The following GRID2 variants were observed in gnomAD, a reference collection of about 807,000 sequenced individuals.
GRID2 encodes glutamate receptor ionotropic, delta-2.
In GRID2, 33 loss-of-function variants were observed where a neutral mutation model predicts 114.8. The observed-to-expected ratio is 0.29, with a 90% CI of 0.22 to 0.38. The LOEUF is 0.38. GRID2 is among the 10% of genes least tolerant of loss of function. The pLI is 1.00. For synonymous variants in GRID2, 505 were observed against 449.9 expected (o/e 1.12, Z -1.55); for missense variants, 1,184 against 1,257.7 (o/e 0.94, Z 0.89).
chr4:92,864,014 T>C (rs1368019630), intron 2 of GRID2, among the ~76,000 whole-genome samples: 2 of 152,168 alleles, frequency 1.3e-5, no homozygotes. Context: ...AGTAACAGAA[T>C]AGACACGCCT....
At chr4:92,465,236 A>G (rs1234369276) in intron 1 of GRID2, among the ~76,000 whole-genome samples, 2 of 151,896 alleles carry the variant, frequency 1.3e-5, no homozygotes, top group African/African-American at 2.4e-5. Context: ...GTTTTAAAAG[A>G]TAACTAGGAA....
chr4:93,105,249 T>C (rs1225856099), intron 3 of GRID2, among the ~76,000 whole-genome samples: 4 of 152,034 alleles, frequency 2.6e-5, no homozygotes, highest in African/African-American at 4.8e-5. Flanking sequence ...TTCTCCCATT[T>C]TGTAGGTTGC....
chr4:92,782,080 G>A (rs576271991), intron 2 of GRID2, among the ~76,000 whole-genome samples: 33 of 152,056 alleles, frequency 2.2e-4, no homozygotes, highest in Admixed American at 1.9e-3. Context: ...CATTGAAACA[G>A]AAAAGTCAAG....
intron 2 of GRID2, chr4:92,821,915 T>C (rs1201400372): frequency 1.3e-5 from 2 of 158,910 alleles, no homozygotes; most frequent in Admixed American, 1.3e-4. Context: ...TAATAATGAT[T>C]AAAGTAGGAA....
chr4:92,612,364 T>C (rs1438934662), intron 2 of GRID2, among the ~76,000 whole-genome samples: 2 of 151,492 alleles, frequency 1.3e-5, no homozygotes, highest in African/African-American at 2.4e-5. Flanking sequence ...TTATGGCAAG[T>C]TTTGAAATCT....
intron 2 of GRID2, among the ~76,000 whole-genome samples, chr4:92,985,722 C>T (rs1695545180): frequency 6.6e-6 from 1 of 151,990 alleles, no homozygotes; most frequent in African/African-American, 2.4e-5. Context: ...TTTTCAATAC[C>T]CAAAGGCGAA....
chr4:92,718,467 A>G (rs1476858261), intron 2 of GRID2, among the ~76,000 whole-genome samples: 2 of 152,074 alleles, frequency 1.3e-5, no homozygotes, highest in Non-Finnish European at 2.9e-5. Flanking sequence ...ATAAAAGTAT[A>G]TATTTTTAAA....
chr4:93,747,538 T>A lies in GRID2; in HGVS notation c.2361-21672T>A, dbSNP rs186566683. Among the ~76,000 whole-genome samples, 12 of 152,300 alleles carry A rather than the reference T, an allele frequency of 7.9e-5. No individual in the cohort carries two copies. In the East Asian group the frequency reaches 2.1e-3, roughly 27 times the overall value. The stretch of plus-strand genomic sequence containing the variant: ...ATGTAAAAATTGTTCAATACTTATT[T>A]GTTAAATGAACTTTATGTAATGGGG... On this transcript the variant is annotated intron_variant, in intron 14 of 15. Coordinates refer to ENST00000282020, the MANE Select transcript of GRID2 (RefSeq NM_001510.4).
intron 2 of GRID2, among the ~76,000 whole-genome samples, chr4:92,816,704 C>A (rs1740940671): frequency 6.6e-6 from 1 of 152,116 alleles, no homozygotes; most frequent in Non-Finnish European, 1.5e-5. Flanking sequence ...CCTTTTCATT[C>A]ACTGTTTAAA....
intron 1 of GRID2, among the ~76,000 whole-genome samples, chr4:92,334,143 T>C (rs986074093): frequency 8.5e-5 from 13 of 152,206 alleles, no homozygotes; most frequent in Middle Eastern, 3.2e-3. Flanking sequence ...TGGCCTTTAC[T>C]CCGTTTTGCA....
chr4:92,348,878 A>G (rs914253933), intron 1 of GRID2, among the ~76,000 whole-genome samples: 1 of 152,154 alleles, frequency 6.6e-6, no homozygotes, highest in Admixed American at 6.6e-5. Context: ...TAGATAACAA[A>G]GAGATTGAAG....
chr4:92,830,198 T>A (rs1237565194), intron 2 of GRID2, among the ~76,000 whole-genome samples: 1 of 151,606 alleles, frequency 6.6e-6, no homozygotes, highest in Non-Finnish European at 1.5e-5. Context: ...CAAAACAGTG[T>A]CCAGTTATTT....
At chr4:92,442,007 C>G (rs997529253) in intron 1 of GRID2, among the ~76,000 whole-genome samples, 2 of 151,542 alleles carry the variant, frequency 1.3e-5, no homozygotes, top group Admixed American at 1.3e-4. Context: ...TAAGTTGGCA[C>G]CAGAGTTGGG....
intron 2 of GRID2, among the ~76,000 whole-genome samples, chr4:93,069,384 C>T (rs1299811955): frequency 6.6e-6 from 1 of 151,786 alleles, no homozygotes; most frequent in African/African-American, 2.4e-5. Flanking sequence ...TAAACCCTTA[C>T]ACAGTGGGGG....
At chr4:93,713,428 AATTT>A (rs61147386) in intron 14 of GRID2, among the ~76,000 whole-genome samples, 193 of 150,328 alleles carry the variant, frequency 1.3e-3, no homozygotes, top group Non-Finnish European at 1.9e-3. Flanking sequence ...TTAAATGTGG[AATTT>A]ATTTATTTAT....
chr4:92,366,701 A>G (rs571420387), intron 1 of GRID2, among the ~76,000 whole-genome samples: 1 of 152,198 alleles, frequency 6.6e-6, no homozygotes, highest in South Asian at 2.1e-4. Flanking sequence ...ACCTAAAGGT[A>G]AGACCTGAAA....
chr4:93,207,305 A>G (rs1742916559), intron 4 of GRID2, 99 bp from the exon 5 acceptor site: 3 of 836,024 alleles, frequency 3.6e-6, no homozygotes, highest in Non-Finnish European at 6.3e-6. Flanking sequence ...CCTTTCTAAC[A>G]TACGATTCAT....
chr4:92,553,374 G>C (rs1726691854), intron 1 of GRID2, among the ~76,000 whole-genome samples: 1 of 152,142 alleles, frequency 6.6e-6, no homozygotes, highest in Non-Finnish European at 1.5e-5. Flanking sequence ...GGTTTAATGT[G>C]TTGAACAGAA....
At chr4:93,192,255 G>A (rs1741054764) in intron 4 of GRID2, among the ~76,000 whole-genome samples, 1 of 152,090 alleles carries the variant, frequency 6.6e-6, no homozygotes, top group Admixed American at 6.5e-5. Flanking sequence ...GAAAGAACTT[G>A]AAAAATGAAG....
Sources: gnomAD v4.1 joint callset for allele counts (sites outside exome capture counted in the v4.1 genomes callset) on GRCh38, gnomAD v4.1.1 for gene constraint, MANE v1.5 for transcripts, NCBI Gene and HGNC (gene_info 2026-07-23, HGNC 2026-07-21) for gene names.